The following PPARGC1A variants were observed in gnomAD, a reference collection of about 807,000 sequenced individuals.
PPARGC1A encodes PPARG coactivator 1 alpha, also known as peroxisome proliferator-activated receptor gamma coactivator 1-alpha.
Under a neutral mutation model 88.7 loss-of-function variants are expected in PPARGC1A, and 25 were observed. That is an observed-to-expected ratio of 0.28 (90% confidence interval 0.21 to 0.39). PPARGC1A has a LOEUF of 0.39. Ranked by LOEUF, PPARGC1A falls within the 10% of genes least tolerant of loss-of-function variation. The probability of loss-of-function intolerance (pLI) is 1.00; values close to 1 mark genes in which losing one functional copy is unlikely to be tolerated. For synonymous variants in PPARGC1A, 363 were observed against 355.6 expected, an observed-to-expected ratio of 1.02 and a Z score of -0.24; for missense variants, 880 against 968.7, an observed-to-expected ratio of 0.91 and a Z score of 1.22.
the PPARGC1A span, among the ~76,000 whole-genome samples, chr4:24,336,740 G>T: frequency 1.3e-5 from 2 of 151,458 alleles, no homozygotes; most frequent in Non-Finnish European, 2.9e-5. Context: ...CTGGCTTTTT[G>T]TTTTTTTTCC....
At chr4:23,844,875 TAC>T (rs33929841) in intron 2 of PPARGC1A, among the ~76,000 whole-genome samples, 30,333 of 66,034 alleles carry the variant, frequency 0.46, 7,941 homozygotes, top group Admixed American at 0.56. Context: ...ATATATTATA[TAC>T]ACACACACAC....
chr4:24,314,237 T>C, the PPARGC1A span, among the ~76,000 whole-genome samples: 2 of 152,220 alleles, frequency 1.3e-5, no homozygotes, highest in African/African-American at 4.8e-5. Flanking sequence ...AAGTCTGTGC[T>C]ATGGTTTGAA....
the PPARGC1A span, among the ~76,000 whole-genome samples, chr4:24,162,782 C>T: frequency 1.4e-4 from 21 of 151,614 alleles, no homozygotes; most frequent in Admixed American, 2.6e-4. Context: ...TTAGTAGAGA[C>T]GGGGTTTCAC....
At chr4:24,347,060 T>TA in the PPARGC1A span, among the ~76,000 whole-genome samples, 1 of 152,338 alleles carries the variant, frequency 6.6e-6, no homozygotes, top group East Asian at 1.9e-4. Context: ...AATTTCCATG[T>TA]ATTTGCATGG....
At chr4:24,433,508 G>T in the PPARGC1A span, among the ~76,000 whole-genome samples, 114 of 152,202 alleles carry the variant, frequency 7.5e-4, no homozygotes, top group African/African-American at 2.7e-3. Flanking sequence ...ATCATTATCT[G>T]CAGGAGGGGC....
intron 2 of PPARGC1A, among the ~76,000 whole-genome samples, chr4:23,836,046 C>T (rs545876231): frequency 6.6e-6 from 1 of 152,312 alleles, no homozygotes; most frequent in East Asian, 1.9e-4. Flanking sequence ...ACTGCACTGA[C>T]ATTGCAAGAT....
At chr4:23,916,133 A>G in the PPARGC1A span, among the ~76,000 whole-genome samples, 1 of 152,232 alleles carries the variant, frequency 6.6e-6, no homozygotes, top group East Asian at 1.9e-4. Context: ...AAGTAAATCA[A>G]CTATATAAGG....
At chr4:24,446,591 ATTTTTTT>A in the PPARGC1A span, among the ~76,000 whole-genome samples, 6 of 134,884 alleles carry the variant, frequency 4.4e-5, no homozygotes, top group South Asian at 4.9e-4. Flanking sequence ...AAAACACTGA[ATTTTTTT>A]TTTTTTTTTT....
intron 10 of PPARGC1A, among the ~76,000 whole-genome samples, chr4:23,804,694 C>T (rs1047911276): frequency 6.6e-6 from 1 of 152,166 alleles, no homozygotes; most frequent in Admixed American, 6.5e-5. Context: ...CTGTGACTCT[C>T]TTTTCCAGCC....
chr4:24,149,342 A>T, the PPARGC1A span, among the ~76,000 whole-genome samples: 1 of 152,126 alleles, frequency 6.6e-6, no homozygotes, highest in African/African-American at 2.4e-5. Flanking sequence ...AGCAGTATTA[A>T]TGAGTTGTTG....
At chr4:24,445,602 A>G in the PPARGC1A span, among the ~76,000 whole-genome samples, 1 of 152,156 alleles carries the variant, frequency 6.6e-6, no homozygotes, top group Non-Finnish European at 1.5e-5. Flanking sequence ...AGTATTTCAG[A>G]GGGTAAGTCA....
At chr4:23,971,603 C>T in the PPARGC1A span, among the ~76,000 whole-genome samples, 68 of 152,226 alleles carry the variant, frequency 4.5e-4, no homozygotes, top group African/African-American at 1.5e-3. Context: ...GTAGGCTGGG[C>T]GGCTAAGCCA....
intron 1 of PPARGC1A, among the ~76,000 whole-genome samples, 183 bp from the exon 2 acceptor site, chr4:23,885,114 G>T (rs978287845): frequency 2.0e-5 from 3 of 152,098 alleles, no homozygotes; most frequent in African/African-American, 7.2e-5. Context: ...GCTCCTGAAG[G>T]ATAATTTCCC....
the PPARGC1A span, among the ~76,000 whole-genome samples, chr4:24,317,592 A>AAAAAAAAC: frequency 7.0e-6 from 1 of 142,350 alleles, no homozygotes; most frequent in Non-Finnish European, 1.5e-5. Context: ...AAAAAAAAAA[A>AAAAAAAAC]AAAACACCAC....
chr4:24,339,225 T>TACACAC, the PPARGC1A span, among the ~76,000 whole-genome samples: 32 of 80,376 alleles, frequency 4.0e-4, no homozygotes, highest in African/African-American at 1.1e-3. Flanking sequence ...TATATATATA[T>TACACAC]ATATATATAT....
chr4:24,386,245 A>T, the PPARGC1A span, among the ~76,000 whole-genome samples: 1 of 152,198 alleles, frequency 6.6e-6, no homozygotes, highest in South Asian at 2.1e-4. Flanking sequence ...TGTATCTCAA[A>T]ATAATAAGAA....
the PPARGC1A span, among the ~76,000 whole-genome samples, chr4:23,910,505 A>G: frequency 1.4e-5 from 2 of 142,604 alleles, no homozygotes; most frequent in South Asian, 2.1e-4. Flanking sequence ...CAATGGCACA[A>G]TCTCGGTTCA....
At chr4:24,329,723 C>T in the PPARGC1A span, among the ~76,000 whole-genome samples, 1 of 152,208 alleles carries the variant, frequency 6.6e-6, no homozygotes, top group African/African-American at 2.4e-5. Context: ...TGCTCCCCCA[C>T]TGGCAGGGAC....
At chr4:23,980,674 C>T in the PPARGC1A span, among the ~76,000 whole-genome samples, 7 of 152,120 alleles carry the variant, frequency 4.6e-5, no homozygotes, top group Admixed American at 2.6e-4. Context: ...GGCAGCTCAG[C>T]GGGGACCCAA....
Sources: gnomAD v4.1 joint callset for allele counts (sites outside exome capture counted in the v4.1 genomes callset) on GRCh38, gnomAD v4.1.1 for gene constraint, MANE v1.5 for transcripts, NCBI Gene and HGNC (gene_info 2026-07-23, HGNC 2026-07-21) for gene names.